ZNF189: variants seen among roughly 807,000 people sequenced by gnomAD.
The protein encoded by ZNF189 is zinc finger protein 189.
ZNF189 carries 33 observed loss-of-function variants against 53.5 expected under a neutral mutation model. The observed-to-expected ratio is 0.62, with a 90% CI of 0.47 to 0.82. The LOEUF is 0.82. Among genes scored for constraint, ZNF189 ranks in the 40% least tolerant of loss-of-function variants. The probability of loss-of-function intolerance (pLI) is 0.00; values close to 1 mark genes in which losing one functional copy is unlikely to be tolerated. For synonymous variants in ZNF189, 247 were observed against 238.8 expected, an observed-to-expected ratio of 1.03 and a Z score of -0.32; for missense variants, 711 against 753.9, an observed-to-expected ratio of 0.94 and a Z score of 0.67.
Position 101,408,563 on chromosome 9 carries a change from T to C in ZNF189, c.795T>C (p.Cys265=). Residue 265 remains cysteine (C), a synonymous_variant, in exon 3 of 3, where the codon TGT becomes TGC. Transcript: ENST00000339664. ...AGAAACCCCATAAATGTAGTGACTG[T>C]GGGAAAGCCTTCAGTTGGAAATCAC... ...TGEKPHKCSD[C]GKAFSWKSHL... is the part of the protein sequence containing the mutation. 2 of 1,614,164 alleles carry C rather than the reference T, an allele frequency of 1.2e-6. No homozygotes were observed. The highest frequency in any genetic ancestry group is 8.5e-7 in the Non-Finnish European group (1 of 1,180,028).
intron 2 of ZNF189, 122 bp downstream of exon 2, chr9:101,400,132 T>C (rs1588153597): frequency 1.5e-6 from 2 of 1,302,418 alleles, no homozygotes; most frequent in Non-Finnish European, 2.1e-6. Flanking sequence ...GATTCAAACC[T>C]TTTAGCCATT....
At position 101,409,813 on chromosome 9, in the gene ZNF189, T is replaced by C; in HGVS notation, c.*164T>C. On this transcript the variant is annotated 3_prime_UTR_variant, in exon 3 of 3. Coordinates refer to ENST00000339664, the MANE Select transcript of ZNF189 (RefSeq NM_003452.4). ...AATAGTGGACAACTGCCCATGAGCA[T>C]TTGACTTCCCTTACTCTTTGATGAT... 1.4e-6 allele frequency: 1 copy of C among 698,748 alleles called. No individual in the cohort carries two copies. Among genetic ancestry groups the C allele is most frequent in the Non-Finnish European group, 2.3e-6 (1 of 437,884 alleles). 43.3% of individuals were successfully genotyped at this position (698,748 alleles called of 1,614,324 possible). A position where few individuals can be genotyped will look rare whatever the true frequency, so the allele number is the denominator to read the frequency against.
In ZNF189 at chr9:101,399,167, C is replaced by G. The variant is rs746988808; in HGVS notation, c.11C>G (p.Pro4Arg). Residue 4 changes from proline to arginine, a missense_variant, in exon 1 of 3, where the codon CCG becomes CGG. Transcript: ENST00000339664. ...TTCTCTGCCTGGGAGATGGCTTCCC[C>G]GAGCCCCCCGCCGGAGTCGAAGGTA... The part of the protein sequence containing the change: MAS[P>R]SPPPESKGLL... 4 of 1,595,382 alleles carry G rather than the reference C, an allele frequency of 2.5e-6. No individual in the cohort carries two copies. Among genetic ancestry groups the G allele is most frequent in the Non-Finnish European group, 3.4e-6 (4 of 1,164,360 alleles).
rs764367358 is a variant in ZNF189 at position 101,408,197 on chromosome 9, A to G, written c.429A>G (p.Ser143=). Residue 143 remains serine, a synonymous_variant, in exon 3 of 3, where the codon TCA becomes TCG. Transcript: ENST00000339664. ...ACATTATCCGTAAAAGACCAAACTC[A>G]GAAGAGAAATGCCATAAATGTGAAG... ...NTNIIRKRPN[S]EEKCHKCEEC... 40 of 1,614,066 alleles carry G rather than the reference A, an allele frequency of 2.5e-5. No homozygotes were observed. The highest frequency in any genetic ancestry group is 3.3e-5 in the Admixed American group (2 of 59,994).
At position 101,408,091 on chromosome 9, in the gene ZNF189, A is replaced by G. The variant is rs1440870043; in HGVS notation, c.323A>G (p.Asp108Gly). ...RETFELVGRLDKQRGIFLWEI... is the reference protein window; with the variant it reads ...RETFELVGRLGKQRGIFLWEI... ...ACATTTGAACTTGTTGGTAGGTTAG[A>G]TAAACAAAGAGGGATCTTCCTATGG... is the stretch of plus-strand genomic sequence containing the variant. Residue 108 changes from aspartate to glycine, a missense_variant, in exon 3 of 3, where the codon GAT becomes GGT. Physicochemically the swap from Asp to Gly is moderately conservative, Grantham distance 94. Transcript: ENST00000339664. The G allele has an allele frequency of 6.2e-7, 1 of 1,613,852 alleles. No individual in the cohort carries two copies.
At position 101,399,119 on chromosome 9, in the gene ZNF189, G is replaced by T; in HGVS notation, c.-38G>T. The T allele has an allele frequency of 6.6e-7, 1 of 1,522,242 alleles. No homozygotes were observed. Among genetic ancestry groups the T allele is most frequent in the Non-Finnish European group, 9.1e-7 (1 of 1,098,252 alleles). 94.3% of individuals were successfully genotyped at this position (1,522,242 alleles called of 1,614,324 possible). A position where few individuals can be genotyped will look rare whatever the true frequency, so the allele number is the denominator to read the frequency against. The stretch of plus-strand genomic sequence containing the variant: ...CTCACCAGAGGCTCCTTTCCGTGAG[G>T]CCGCCCCCAATTCCTGCCCCTATTC... On this transcript the variant is annotated 5_prime_UTR_variant, in exon 1 of 3. Coordinates refer to ENST00000339664, the MANE Select transcript of ZNF189 (RefSeq NM_003452.4).
At chr9:101,403,381 C>G (rs1830601980) in intron 2 of ZNF189, among the ~76,000 whole-genome samples, 1 of 152,166 alleles carries the variant, frequency 6.6e-6, no homozygotes, top group Non-Finnish European at 1.5e-5. Context: ...TCAATAAACA[C>G]TATCTCCATC....
intron 1 of ZNF189, chr9:101,399,634 C>A: frequency 7.7e-7 from 1 of 1,297,372 alleles, no homozygotes; most frequent in Non-Finnish European, 9.9e-7. Context: ...TTGGAGAGGC[C>A]TTGGGGCAGT....
chr9:101,402,651 T>A (rs1006709769), intron 2 of ZNF189, among the ~76,000 whole-genome samples: 4 of 152,230 alleles, frequency 2.6e-5, no homozygotes, highest in African/African-American at 9.7e-5. Context: ...ATTGAATTTA[T>A]CATACTATAC....
chr9:101,403,661 C>CTTA (rs1318216866), intron 2 of ZNF189, among the ~76,000 whole-genome samples: 1 of 152,198 alleles, frequency 6.6e-6, no homozygotes, highest in Non-Finnish European at 1.5e-5. Context: ...AGATTGCCAC[C>CTTA]TTATTACTGT....
rs200489868 is a variant in ZNF189, at chr9:101,399,919, T to C, written c.69T>C (p.Phe23=). The C allele has an allele frequency of 1.9e-6, 3 of 1,614,174 alleles. No individual in the cohort carries two copies. Among genetic ancestry groups the C allele is most frequent in the Non-Finnish European group, 2.5e-6 (3 of 1,180,016 alleles). ...CATTTGAGGATGTGGCTGTGTTTTT[T>C]ACCCAGGAGGAGTGGGATTATCTGG... The part of the protein sequence containing the change: ...LLTFEDVAVF[F]TQEEWDYLDP... The change falls in exon 2 of 3, where the codon TTT becomes TTC. Residue 23 remains phenylalanine (F), a synonymous_variant. Transcript: ENST00000339664.
In ZNF189 at chr9:101,408,174, A is replaced by G. The variant is rs768323611; in HGVS notation, c.406A>G (p.Ile136Val). ...GAGAATGTTCAGAGAAAACACTAAC[A>G]TTATCCGTAAAAGACCAAACTCAGA... ...EQRMFRENTN[I>V]IRKRPNSEEK... is the part of the protein sequence containing the mutation. Residue 136 changes from isoleucine to valine, a missense_variant, in exon 3 of 3, where the codon ATT (isoleucine) becomes GTT (valine). By Grantham distance (29) the Ile-to-Val change is conservative. Transcript: ENST00000339664. 3.1e-6 allele frequency: 5 copies of G among 1,614,192 alleles called. No homozygotes were observed. Among genetic ancestry groups the G allele is most frequent in the Non-Finnish European group, 4.2e-6 (5 of 1,180,036 alleles).
chr9:101,409,542 G>A lies in ZNF189; in HGVS notation c.1774G>A (p.Glu592Lys). ...SLVNHQKIHAEVKTQETHECD... is the reference protein window; with the variant it reads ...SLVNHQKIHAKVKTQETHECD... The stretch of plus-strand genomic sequence containing the variant: ...TGTCAACCATCAGAAGATCCATGCA[G>A]AGGTGAAAACCCAAGAAACCCATGA... The change falls in exon 3 of 3, where the codon GAG becomes AAG. Residue 592 changes from glutamate (E) to lysine (K), a missense_variant. Physicochemically the swap from Glu to Lys is moderately conservative, Grantham distance 56. Transcript: ENST00000339664. 6.2e-7 allele frequency: 1 copy of A among 1,614,100 alleles called. No homozygotes were observed. The highest frequency in any genetic ancestry group is 8.5e-7 in the Non-Finnish European group (1 of 1,180,002).
At chr9:101,404,009 C>T (rs1215291503) in intron 2 of ZNF189, among the ~76,000 whole-genome samples, 2 of 152,160 alleles carry the variant, frequency 1.3e-5, no homozygotes, top group Non-Finnish European at 1.5e-5. Flanking sequence ...GAATAACTAG[C>T]GATTTCAGTT....
rs777661117 is a variant in ZNF189, at chr9:101,399,578, G to A, written c.34-306G>A. 3.2e-4 allele frequency: 408 copies of A among 1,293,370 alleles called. 3 individuals carry two copies. Among genetic ancestry groups the A allele is most frequent in the Non-Finnish European group, 7.8e-5 (80 of 1,020,250 alleles). The allele number at this position is 1,293,370 out of a possible 1,614,324, so 80.1% of individuals were successfully genotyped here. Reference sequence around the variant, plus strand: ...GGAATTGAATTGAATAGAGTCACAAGCCAGTGCAAATGGAAAATTGAAGTA... The same window carrying A: ...GGAATTGAATTGAATAGAGTCACAAACCAGTGCAAATGGAAAATTGAAGTA... On this transcript the variant is annotated intron_variant, in intron 1 of 2. Coordinates refer to ENST00000339664, the MANE Select transcript of ZNF189 (RefSeq NM_003452.4).
In ZNF189 at chr9:101,408,554, T is replaced by C; in HGVS notation, c.786T>C (p.Cys262=). ...RIHTGEKPHK[C]SDCGKAFSWK... ...ATACAGGTGAGAAACCCCATAAATG[T>C]AGTGACTGTGGGAAAGCCTTCAGTT... Residue 262 remains cysteine, a synonymous_variant, in exon 3 of 3, where the codon TGT becomes TGC. Coordinates refer to ENST00000339664, the MANE Select transcript of ZNF189 (RefSeq NM_003452.4). The C allele has an allele frequency of 2.5e-6, 4 of 1,614,202 alleles. No individual in the cohort carries two copies. The highest frequency in any genetic ancestry group is 1.1e-5 in the South Asian group (1 of 91,088).
chr9:101,403,125 T>TGTGTGTGTGTGTG (rs1564067701), intron 2 of ZNF189, among the ~76,000 whole-genome samples: 1 of 151,618 alleles, frequency 6.6e-6, no homozygotes, highest in African/African-American at 2.4e-5. Flanking sequence ...TGTGTGTGTG[T>TGTGTGTGTGTGTG]TTTAATATAC....
At chr9:101,405,863 G>A (rs1023740891) in intron 2 of ZNF189, among the ~76,000 whole-genome samples, 1 of 151,994 alleles carries the variant, frequency 6.6e-6, no homozygotes, top group African/African-American at 2.4e-5. Flanking sequence ...ATCACCTGAG[G>A]TCAGAGTTCG....
chr9:101,400,805 C>G (rs1170583333), intron 2 of ZNF189, among the ~76,000 whole-genome samples: 1 of 152,156 alleles, frequency 6.6e-6, no homozygotes, highest in Non-Finnish European at 1.5e-5. Flanking sequence ...ATTCTCTGAC[C>G]AGTTATTCGG....
Sources: allele counts gnomAD v4.1 joint callset (sites outside exome capture counted in the v4.1 genomes callset), GRCh38; gene constraint gnomAD v4.1.1; transcripts MANE v1.5; gene names NCBI Gene and HGNC (gene_info 2026-07-23, HGNC 2026-07-21).